Variants in RGL1 observed in about 807,000 individuals in gnomAD.
The protein encoded by RGL1 is ral guanine nucleotide dissociation stimulator-like 1.
A neutral mutation model predicts 95.2 loss-of-function variants in RGL1; 24 were observed. The observed-to-expected ratio is 0.25, with a 90% CI of 0.18 to 0.35. The LOEUF (loss-of-function observed/expected upper bound fraction) is 0.35. RGL1 is among the 10% of genes least tolerant of loss of function. The pLI is 1.00. For missense variants in RGL1, 715 were observed against 936.3 expected (o/e 0.76, Z 3.08); for synonymous variants, 329 against 344.9 (o/e 0.95, Z 0.51).
intron 1 of RGL1, among the ~76,000 whole-genome samples, chr1:183,805,971 C>CTTTTTTTTTTT (rs751229707): frequency 3.1e-4 from 23 of 74,628 alleles, no homozygotes; most frequent in African/African-American, 4.1e-4. Flanking sequence ...CTTTTCTTTT[C>CTTTTTTTTTTT]TTTTTTTTTT....
intron 1 of RGL1, among the ~76,000 whole-genome samples, chr1:183,725,337 C>A (rs555959161): frequency 6.6e-6 from 1 of 152,116 alleles, no homozygotes; most frequent in Non-Finnish European, 1.5e-5. Context: ...GTTTAATTGA[C>A]GGTTCTGCAT....
chr1:183,646,936 C>G (rs1650334516), intron 1 of RGL1: 1 of 152,094 alleles, frequency 6.6e-6, no homozygotes. Context: ...GCTGATGAGA[C>G]AAGGCAACAG....
intron 2 of RGL1, among the ~76,000 whole-genome samples, chr1:183,758,197 A>AT (rs1658457993): frequency 2.5e-5 from 3 of 118,354 alleles, no homozygotes; most frequent in African/African-American, 3.7e-5. Context: ...TAAACGATAG[A>AT]ATTTTTTTTT....
chr1:183,702,781 T>G (rs1160465827), intron 1 of RGL1, among the ~76,000 whole-genome samples: 1 of 152,170 alleles, frequency 6.6e-6, no homozygotes, highest in African/African-American at 2.4e-5. Context: ...ATTGTAAGGC[T>G]CTTGTATCGG....
chr1:183,668,940 CT>C (rs57387852), intron 1 of RGL1, among the ~76,000 whole-genome samples: 6 of 137,966 alleles, frequency 4.3e-5, no homozygotes, highest in African/African-American at 8.1e-5. Context: ...ACTTTCTTTT[CT>C]TTTTTTTTTT....
chr1:183,720,163 T>C (rs1236685276), intron 1 of RGL1, among the ~76,000 whole-genome samples: 3 of 152,038 alleles, frequency 2.0e-5, no homozygotes, highest in Non-Finnish European at 4.4e-5. Flanking sequence ...AATTGTGAAA[T>C]GAAGTAAAGG....
chr1:183,834,999 T>C (rs546562039), intron 2 of RGL1, among the ~76,000 whole-genome samples: 4 of 152,348 alleles, frequency 2.6e-5, no homozygotes, highest in East Asian at 1.9e-4. Flanking sequence ...CTTTTAATAC[T>C]GTTTTAATGA....
chr1:183,875,027 C>G (rs1666407868), intron 4 of RGL1, among the ~76,000 whole-genome samples: 1 of 152,230 alleles, frequency 6.6e-6, no homozygotes, highest in African/African-American at 2.4e-5. Context: ...GGCCCACCGT[C>G]TGCGTAAATC....
intron 2 of RGL1, among the ~76,000 whole-genome samples, chr1:183,768,212 T>C (rs951551652): frequency 2.6e-5 from 4 of 152,054 alleles, no homozygotes; most frequent in African/African-American, 9.7e-5. Flanking sequence ...GCATGGACTT[T>C]CTGTTTTGTC....
intron 3 of RGL1, among the ~76,000 whole-genome samples, chr1:183,864,184 C>G (rs1270695755): frequency 6.6e-6 from 1 of 152,170 alleles, no homozygotes; most frequent in East Asian, 1.9e-4. Context: ...CTATCAGGAG[C>G]AGTAAAATGT....
intron 2 of RGL1, among the ~76,000 whole-genome samples, chr1:183,745,128 A>T (rs532250685): frequency 1.3e-5 from 2 of 152,178 alleles, no homozygotes; most frequent in African/African-American, 4.8e-5. Flanking sequence ...TTCTTGTGGC[A>T]TTGAGCATCT....
rs1013613943 is a variant in RGL1, at chr1:183,713,384, C to CT, written c.-32-28742_-32-28741insT. The stretch of plus-strand genomic sequence containing the variant: ...AAAAAAAATCTAGAGGCACCCCCCC[C>CT]CCCCGCTTTTATAATGACCCTTTTG... On this transcript the variant is annotated intron_variant, in intron 1 of 18. Coordinates refer to the RGL1 transcript ENST00000304685. Among the ~76,000 whole-genome samples the CT allele has an allele frequency of 3.6e-5, 5 of 137,038 alleles. No homozygotes were observed. The East Asian group carries it at 8.7e-4, about 24-fold the overall frequency. The allele number at this position is 137,038 out of a possible 152,430, so 89.9% of individuals were successfully genotyped here. A position where few individuals can be genotyped will look rare whatever the true frequency, so the allele number is the denominator to read the frequency against.
intron 3 of RGL1, among the ~76,000 whole-genome samples, chr1:183,848,196 T>G (rs1356588553): frequency 6.6e-6 from 1 of 152,156 alleles, no homozygotes; most frequent in African/African-American, 2.4e-5. Flanking sequence ...GGAAGCAGCT[T>G]AGGAATGGTG....
chr1:183,824,705 G>A (rs941513260), intron 2 of RGL1, among the ~76,000 whole-genome samples: 9 of 152,064 alleles, frequency 5.9e-5, no homozygotes, highest in African/African-American at 2.2e-4. Flanking sequence ...TTTAATTATG[G>A]GACCTGCTTT....
chr1:183,756,237 G>C (rs1273091765), intron 2 of RGL1, among the ~76,000 whole-genome samples: 1 of 151,732 alleles, frequency 6.6e-6, no homozygotes, highest in Non-Finnish European at 1.5e-5. Flanking sequence ...TGTCGTCCAG[G>C]CTGGAGTGCA....
At chr1:183,814,925 T>G (rs1370247452) in intron 2 of RGL1, among the ~76,000 whole-genome samples, 2 of 152,232 alleles carry the variant, frequency 1.3e-5, no homozygotes, top group African/African-American at 4.8e-5. Context: ...TGAAACTGGA[T>G]TAGACATTGG....
intron 2 of RGL1, among the ~76,000 whole-genome samples, chr1:183,818,972 C>T (rs10797914): frequency 0.023 from 3,537 of 152,248 alleles, 129 homozygotes; most frequent in African/African-American, 0.08. Context: ...CTAGGTATGA[C>T]AGTAACCTTT....
intron 10 of RGL1, 42 bp from the exon 11 acceptor site, chr1:183,900,108 T>C: frequency 1.3e-6 from 2 of 1,548,494 alleles, no homozygotes; most frequent in Non-Finnish European, 1.8e-6. Flanking sequence ...CCCTCAACTT[T>C]TCAATGACAA....
At chr1:183,850,390 G>A (rs908360344) in intron 3 of RGL1, among the ~76,000 whole-genome samples, 1 of 152,008 alleles carries the variant, frequency 6.6e-6, no homozygotes, top group Non-Finnish European at 1.5e-5. Flanking sequence ...ATATCTATTA[G>A]TCTTAAGAAA....
Sources: allele counts gnomAD v4.1 joint callset (sites outside exome capture counted in the v4.1 genomes callset), GRCh38; gene constraint gnomAD v4.1.1; transcripts MANE v1.5; gene names NCBI Gene and HGNC (gene_info 2026-07-23, HGNC 2026-07-21).